CDH13: variants seen among roughly 807,000 people sequenced by gnomAD.
The protein encoded by CDH13 is cadherin-13.
CDH13 carries 24 observed loss-of-function variants against 63.8 expected under a neutral mutation model. The observed-to-expected ratio is 0.38, with a 90% CI of 0.27 to 0.53. CDH13 has a LOEUF of 0.53. Ranked by LOEUF, CDH13 falls within the 20% of genes least tolerant of loss-of-function variation. CDH13 has a pLI of 0.85. For missense variants in CDH13, 1,049 were observed against 903.1 expected, an observed-to-expected ratio of 1.16 and a Z score of -2.07; for synonymous variants, 503 against 355.3, an observed-to-expected ratio of 1.42 and a Z score of -4.67.
At chr16:82,710,734 T>C (rs2031873613) in intron 1 of CDH13, among the ~76,000 whole-genome samples, 1 of 146,674 alleles carries the variant, frequency 6.8e-6, no homozygotes, top group African/African-American at 2.5e-5. Context: ...TTATAAAATA[T>C]TAGAAAAATA....
chr16:83,220,576 A>C (rs1056245726), intron 5 of CDH13, among the ~76,000 whole-genome samples: 2 of 151,856 alleles, frequency 1.3e-5, no homozygotes, highest in East Asian at 3.9e-4. Context: ...TACGTTGTGC[A>C]CATGTACCAT....
At chr16:83,526,901 G>A (rs926211839) in intron 7 of CDH13, among the ~76,000 whole-genome samples, 2 of 152,188 alleles carry the variant, frequency 1.3e-5, no homozygotes, top group Non-Finnish European at 2.9e-5. Flanking sequence ...GGAGGCCAAG[G>A]CGGGCAGATC....
chr16:83,217,312 C>T, intron 4 of CDH13, 33 bp from the exon 5 acceptor site: 2 of 1,611,300 alleles, frequency 1.2e-6, no homozygotes, highest in African/African-American at 1.3e-5. Flanking sequence ...GTTTTCCAGG[C>T]AGTTTTAAAT....
At chr16:82,628,786 G>A (rs1261192418) in intron 1 of CDH13, among the ~76,000 whole-genome samples, 2 of 152,274 alleles carry the variant, frequency 1.3e-5, no homozygotes, top group Non-Finnish European at 2.9e-5. Context: ...ATTTAGCAAG[G>A]CGGTTTGGAG....
rs528079347 is a variant in CDH13, at chr16:82,765,007, G to C, written c.46-93355G>C. Among the ~76,000 whole-genome samples the C allele has an allele frequency of 2.5e-4, 38 of 152,052 alleles. No homozygotes were observed. The South Asian group carries it at 3.5e-3, about 14-fold the overall frequency. On this transcript the variant is annotated intron_variant, in intron 1 of 13. Transcript: ENST00000567109. ...TTTCTTGTATTTTTAGTAGAAACAG[G>C]GTTTCACCATGTTGGCCAGGCAGGT...
chr16:83,443,719 AAAAAAAAAAAAAAAAAATATAT>A lies in CDH13; in HGVS notation c.782-42756_782-42735del, dbSNP rs1173453978. 7.8e-3 allele frequency among the ~76,000 whole-genome samples: 705 copies of A among 90,000 alleles called. 6 individuals are homozygous for A. Among genetic ancestry groups the A allele is most frequent in the African/African-American group, 0.018 (321 of 17,440 alleles). The allele number at this position is 90,000 out of a possible 152,430, so 59.0% of individuals were successfully genotyped here. A position where few individuals can be genotyped will look rare whatever the true frequency, so the allele number is the denominator to read the frequency against. On this transcript the variant is annotated intron_variant, in intron 6 of 13. Coordinates refer to ENST00000567109, the MANE Select transcript of CDH13 (RefSeq NM_001257.5). ...GAAGTCCCTACGAAAAAAAAAAAAA[AAAAAAAAAAAAAAAAAATATAT>A]ATATATATATATATATATATATGGA...
chr16:83,515,589 C>G (rs1167472618), intron 7 of CDH13, among the ~76,000 whole-genome samples: 1 of 152,168 alleles, frequency 6.6e-6, no homozygotes, highest in Non-Finnish European at 1.5e-5. Context: ...ATTGCCCCAG[C>G]TGTCAAAGTT....
At chr16:82,914,899 C>G (rs1317746150) in intron 2 of CDH13, among the ~76,000 whole-genome samples, 1 of 152,190 alleles carries the variant, frequency 6.6e-6, no homozygotes, top group Non-Finnish European at 1.5e-5. Flanking sequence ...AACGGTGTCA[C>G]CATGAGTATC....
intron 3 of CDH13, among the ~76,000 whole-genome samples, chr16:83,092,546 T>C (rs978489982): frequency 2.6e-5 from 4 of 152,238 alleles, no homozygotes; most frequent in Non-Finnish European, 4.4e-5. Context: ...TGCAAATCAA[T>C]AGAAGCTTTA....
intron 2 of CDH13, among the ~76,000 whole-genome samples, chr16:83,017,943 A>G (rs1914962656): frequency 6.6e-6 from 1 of 152,214 alleles, no homozygotes; most frequent in South Asian, 2.1e-4. Context: ...ATTTTTGTGA[A>G]TCAAGTAGGT....
chr16:83,324,929 C>G (rs1429025537), intron 5 of CDH13, among the ~76,000 whole-genome samples: 1 of 152,198 alleles, frequency 6.6e-6, no homozygotes, highest in Non-Finnish European at 1.5e-5. Context: ...CCACTCACCT[C>G]TTCAGGCCCA....
intron 1 of CDH13, among the ~76,000 whole-genome samples, chr16:82,714,769 A>T (rs1394752538): frequency 7.2e-6 from 1 of 139,346 alleles, no homozygotes; most frequent in Non-Finnish European, 1.5e-5. Flanking sequence ...AACTTGTGTG[A>T]TGATGGAGGC....
intron 11 of CDH13, among the ~76,000 whole-genome samples, chr16:83,754,420 A>T (rs1025291422): frequency 2.6e-5 from 4 of 152,138 alleles, no homozygotes; most frequent in Non-Finnish European, 4.4e-5. Context: ...GTCTTGTTCA[A>T]CTTGCAATGC....
At chr16:83,262,229 C>T (rs900368056) in intron 5 of CDH13, among the ~76,000 whole-genome samples, 2 of 152,158 alleles carry the variant, frequency 1.3e-5, no homozygotes, top group African/African-American at 2.4e-5. Context: ...ATGCAATCCC[C>T]TGTAAGTATA....
rs1555537840 is a variant in CDH13 at position 82,710,552 on chromosome 16, A to AATATATATAT, written c.45+83431_45+83440dup. ...TGTCTCAAAAAAAAAAAAAAAAAAA[A>AATATATATAT]ATATATATATATATATATATATATA... On this transcript the variant is annotated intron_variant, in intron 1 of 13. Coordinates refer to ENST00000567109, the MANE Select transcript of CDH13 (RefSeq NM_001257.5). 2.4e-3 allele frequency among the ~76,000 whole-genome samples: 151 copies of AATATATATAT among 63,740 alleles called. 2 individuals carry two copies. Among genetic ancestry groups the AATATATATAT allele is most frequent in the East Asian group, 7.1e-3 (15 of 2,124 alleles). 41.8% of individuals were successfully genotyped at this position (63,740 alleles called of 152,430 possible). A position where few individuals can be genotyped will look rare whatever the true frequency, so the allele number is the denominator to read the frequency against.
chr16:82,986,803 A>G (rs1450243211), intron 2 of CDH13, among the ~76,000 whole-genome samples: 1 of 152,228 alleles, frequency 6.6e-6, no homozygotes, highest in Non-Finnish European at 1.5e-5. Context: ...CAAATGGGTG[A>G]AGAATTGAGA....
intron 1 of CDH13, among the ~76,000 whole-genome samples, chr16:82,632,026 T>C (rs1908066825): frequency 6.6e-6 from 1 of 152,088 alleles, no homozygotes; most frequent in South Asian, 2.1e-4. Flanking sequence ...AAATTGTACA[T>C]TAATAAAAAA....
intron 4 of CDH13, among the ~76,000 whole-genome samples, chr16:83,214,965 A>G (rs1254747292): frequency 2.0e-5 from 3 of 151,290 alleles, no homozygotes; most frequent in Non-Finnish European, 2.9e-5. Flanking sequence ...TCTTGACCTC[A>G]TGGGGCTTCC....
chr16:82,877,772 C>T (rs1288704963), intron 2 of CDH13, among the ~76,000 whole-genome samples: 3 of 149,756 alleles, frequency 2.0e-5, no homozygotes, highest in Admixed American at 6.7e-5. Context: ...AAGTTACTTG[C>T]TTTACACACA....
Sources: gnomAD v4.1 joint callset for allele counts (sites outside exome capture counted in the v4.1 genomes callset) on GRCh38, gnomAD v4.1.1 for gene constraint, MANE v1.5 for transcripts, NCBI Gene and HGNC (gene_info 2026-07-23, HGNC 2026-07-21) for gene names.